The following SLC6A5 variants were observed in gnomAD, a reference collection of about 807,000 sequenced individuals.
SLC6A5 encodes the protein sodium- and chloride-dependent glycine transporter 2.
A neutral mutation model predicts 90.5 loss-of-function variants in SLC6A5; 58 were observed. The observed-to-expected ratio is 0.64, with a 90% CI of 0.52 to 0.80. The LOEUF (loss-of-function observed/expected upper bound fraction) is 0.80. Among genes scored for constraint, SLC6A5 ranks in the 30% least tolerant of loss-of-function variants. The probability of loss-of-function intolerance (pLI) is 0.00; values close to 1 mark genes in which losing one functional copy is unlikely to be tolerated. For missense variants in SLC6A5, 1,015 were observed against 1,017.6 expected, an observed-to-expected ratio of 1.00 and a Z score of 0.03; for synonymous variants, 427 against 401.4, an observed-to-expected ratio of 1.06 and a Z score of -0.76.
At chr11:20,614,544 G>C in intron 5 of SLC6A5, 135 bp from the exon 6 acceptor site, 1 of 839,456 alleles carries the variant, frequency 1.2e-6, no homozygotes. Context: ...GCTTTGCCCA[G>C]TTAATCCTTT....
intron 3 of SLC6A5, 80 bp downstream of exon 3, chr11:20,604,504 AGGGCCGCC>A: frequency 1.3e-6 from 2 of 1,554,278 alleles, no homozygotes; most frequent in Non-Finnish European, 1.7e-6. Context: ...GCCCTCAGGC[AGGGCCGCC>A]GGGCGGGGAG....
chr11:20,607,443 A>G lies in SLC6A5; in HGVS notation c.812-36A>G, dbSNP rs755097142. 3.7e-6 allele frequency: 6 copies of G among 1,612,172 alleles called. No homozygotes were observed. The South Asian group carries it at 5.5e-5, about 15-fold the overall frequency. ...AACTCTAAGAATTCCATAGCATTTA[A>G]GATGGAATGAACCCCTGGAATTTTT... On this transcript the variant is annotated intron_variant, in intron 4 of 15. Transcript: ENST00000525748.
intron 13 of SLC6A5, among the ~76,000 whole-genome samples, chr11:20,646,182 T>A (rs968887935): frequency 6.6e-6 from 1 of 152,204 alleles, no homozygotes; most frequent in African/African-American, 2.4e-5. Flanking sequence ...GGGATGGCGG[T>A]TGTCTAGGGC....
chr11:20,599,818 C>T, intron 1 of SLC6A5, 143 bp downstream of exon 1: 1 of 994,810 alleles, frequency 1.0e-6, no homozygotes. Context: ...TCTCGCAGCC[C>T]TAGGTATTTG....
At position 20,629,488 on chromosome 11, in the gene SLC6A5, C is replaced by T. The variant is rs368117680; in HGVS notation, c.1500-1203C>T. 3.8e-3 allele frequency among the ~76,000 whole-genome samples: 571 copies of T among 152,144 alleles called. 8 individuals carry two copies. Among genetic ancestry groups the T allele is most frequent in the South Asian group, 0.025 (119 of 4,822 alleles). The stretch of plus-strand genomic sequence containing the variant: ...GACTGAGTAATATTTTTTCTTTATA[C>T]GTTTTTTGCTTTTATTATTTTTAAA... On this transcript the variant is annotated intron_variant, in intron 9 of 15. Transcript: ENST00000525748.
At chr11:20,612,210 A>G (rs777652217) in intron 5 of SLC6A5, among the ~76,000 whole-genome samples, 2 of 152,256 alleles carry the variant, frequency 1.3e-5, no homozygotes, top group Non-Finnish European at 2.9e-5. Context: ...ACGGGAGATG[A>G]TGCTGAAGAC....
Position 20,637,177 on chromosome 11 carries a change from C to T in SLC6A5, c.1743C>T (p.Ala581=). ...ATTTCCTGACACGGTTCCAGTTTGC[C>T]ACCATCGAGACCATAGTGACCTCCA... The part of the protein sequence containing the change: ...LLTLGLDTMF[A]TIETIVTSIS... The change falls in exon 12 of 16, where the codon GCC becomes GCT. Residue 581 remains alanine (A), a synonymous_variant. Transcript: ENST00000525748. The T allele has an allele frequency of 6.2e-7, 1 of 1,613,932 alleles. No homozygotes were observed. Among genetic ancestry groups the T allele is most frequent in the Non-Finnish European group, 8.5e-7 (1 of 1,179,892 alleles).
chr11:20,617,893 T>G lies in SLC6A5; in HGVS notation c.1260+9T>G, dbSNP rs373154011. Reference sequence around the variant, plus strand: ...TCAAGACTTCAGGAAAAGTAAGCACTTGGATTTATCTAAGAGAAAGCTGTG... The same window carrying G: ...TCAAGACTTCAGGAAAAGTAAGCACGTGGATTTATCTAAGAGAAAGCTGTG... On this transcript the variant is annotated intron_variant, in intron 7 of 15. Transcript: ENST00000525748. 4 of 1,609,292 alleles carry G rather than the reference T, an allele frequency of 2.5e-6. No homozygotes were observed. Among genetic ancestry groups the G allele is most frequent in the Non-Finnish European group, 3.4e-6 (4 of 1,179,664 alleles).
chr11:20,628,048 CTCT>C lies in SLC6A5; in HGVS notation c.1469_1471del (p.Ser490del), dbSNP rs1264541755. On this transcript the variant is annotated inframe_deletion, in exon 9 of 16. Transcript: ENST00000525748. The stretch of plus-strand genomic sequence containing the variant: ...CTGCATGGGGAGGCCTGATCACTCT[CTCT>C]TCTTACAACAAATTCCACAACAACT... 1.2e-6 allele frequency: 2 copies of C among 1,614,024 alleles called. No homozygotes were observed. Among genetic ancestry groups the C allele is most frequent in the African/African-American group, 2.7e-5 (2 of 74,922 alleles).
intron 10 of SLC6A5, among the ~76,000 whole-genome samples, chr11:20,634,400 G>A (rs1436667534): frequency 6.6e-6 from 1 of 152,212 alleles, no homozygotes; most frequent in Non-Finnish European, 1.5e-5. Flanking sequence ...GGTGCTTTAG[G>A]GAGGCAGCTG....
chr11:20,630,622 T>G (rs1358392617), intron 9 of SLC6A5, 69 bp from the exon 10 acceptor site: 33 of 1,576,974 alleles, frequency 2.1e-5, no homozygotes, highest in Non-Finnish European at 2.8e-5. Flanking sequence ...CACATTTGTG[T>G]GTCCTTCCCC....
At chr11:20,611,780 A>C (rs12285915) in intron 5 of SLC6A5, among the ~76,000 whole-genome samples, 58,689 of 150,662 alleles carry the variant, frequency 0.39, 11,607 homozygotes, top group South Asian at 0.53. Context: ...AAAAAAAAAA[A>C]AACAAGGTGT....
At chr11:20,608,089 T>A (rs1303599020) in intron 5 of SLC6A5, among the ~76,000 whole-genome samples, 1 of 152,234 alleles carries the variant, frequency 6.6e-6, no homozygotes, top group Non-Finnish European at 1.5e-5. Flanking sequence ...CCCAGGTGAC[T>A]TATCTGCATG....
intron 1 of SLC6A5, 33 bp downstream of exon 1, chr11:20,599,708 A>T (rs1163919979): frequency 1.2e-6 from 2 of 1,613,408 alleles, no homozygotes; most frequent in Non-Finnish European, 1.7e-6. Flanking sequence ...TCAAGAGGAA[A>T]GGGGGCTGAG....
chr11:20,599,871 C>T (rs1450526214), intron 1 of SLC6A5, among the ~76,000 whole-genome samples, 196 bp downstream of exon 1: 2 of 152,104 alleles, frequency 1.3e-5, no homozygotes, highest in Non-Finnish European at 1.5e-5. Context: ...GTTTCCTAGG[C>T]TGTAGAGCTG....
intron 10 of SLC6A5, among the ~76,000 whole-genome samples, chr11:20,632,698 G>A (rs1283429648): frequency 3.3e-5 from 5 of 152,070 alleles, no homozygotes; most frequent in Admixed American, 3.3e-4. Context: ...TGTCTTACTT[G>A]CCTTGATATA....
At chr11:20,623,697 GC>G (rs754022282) in intron 7 of SLC6A5, among the ~76,000 whole-genome samples, 1 of 151,870 alleles carries the variant, frequency 6.6e-6, no homozygotes, top group Admixed American at 6.6e-5. Flanking sequence ...TCCCACCTGT[GC>G]CCCCTCTCTT....
intron 10 of SLC6A5, among the ~76,000 whole-genome samples, chr11:20,635,409 G>T (rs990520600): frequency 6.7e-6 from 1 of 148,636 alleles, no homozygotes; most frequent in African/African-American, 2.5e-5. Flanking sequence ...CCGCCCCCCC[G>T]CAACCCGACT....
rs144642963 is a variant in SLC6A5 at position 20,652,452 on chromosome 11, T to C, written c.2234T>C (p.Ile745Thr). The change falls in exon 15 of 16, where the codon ATT becomes ACT. Residue 745 changes from isoleucine to threonine, a missense_variant. Coordinates refer to ENST00000525748, the MANE Select transcript of SLC6A5 (RefSeq NM_004211.5). ...IKMHLAPGRF[I>T]ERLKLVCSPQ... is the part of the protein sequence containing the mutation. ...ATGCATCTGGCCCCTGGAAGATTTA[T>C]TGAGGTAATTCTGTCTACTTCTTTC... The C allele has an allele frequency of 1.6e-5, 26 of 1,613,604 alleles. No individual in the cohort carries two copies. The African/African-American group carries it at 2.4e-4, about 15-fold the overall frequency.
Sources: gnomAD v4.1 joint callset for allele counts (sites outside exome capture counted in the v4.1 genomes callset) on GRCh38, gnomAD v4.1.1 for gene constraint, MANE v1.5 for transcripts, NCBI Gene and HGNC (gene_info 2026-07-23, HGNC 2026-07-21) for gene names.